Variants in ABI1 observed in about 807,000 individuals in gnomAD.
The protein encoded by ABI1 is abl interactor 1, also known as Abelson interactor 1.
Under a neutral mutation model 54.6 loss-of-function variants are expected in ABI1, and 14 were observed. The ratio of observed to expected loss-of-function variants is 0.26; its 90% CI spans 0.17 to 0.40. The LOEUF is 0.40. Among genes scored for constraint, ABI1 ranks in the 10% least tolerant of loss-of-function variants. The pLI is 1.00. For synonymous variants in ABI1, 194 were observed against 209.3 expected, an observed-to-expected ratio of 0.93 and a Z score of 0.63; for missense variants, 443 against 598.3, an observed-to-expected ratio of 0.74 and a Z score of 2.71.
intron 9 of ABI1, among the ~76,000 whole-genome samples, chr10:26,754,662 TGGA>T (rs1838064007): frequency 6.6e-6 from 1 of 152,172 alleles, no homozygotes; most frequent in African/African-American, 2.4e-5. Context: ...TATATTTTCT[TGGA>T]GGATAGGCTG....
At chr10:26,761,178 A>G (rs551157087) in intron 7 of ABI1, among the ~76,000 whole-genome samples, 235 of 152,056 alleles carry the variant, frequency 1.5e-3, no homozygotes, top group African/African-American at 5.1e-3. Context: ...GGCTCAAGCA[A>G]TCCTCCCACC....
intron 2 of ABI1, among the ~76,000 whole-genome samples, chr10:26,822,382 TA>T: frequency 6.7e-6 from 1 of 149,326 alleles, no homozygotes; most frequent in East Asian, 1.9e-4. Context: ...CCAAAAGAAA[TA>T]AAAGCATATG....
At chr10:26,807,258 G>A (rs1248404106) in intron 2 of ABI1, among the ~76,000 whole-genome samples, 1 of 152,166 alleles carries the variant, frequency 6.6e-6, no homozygotes, top group African/African-American at 2.4e-5. Context: ...TGGATCGCTT[G>A]AGCCCGGGAA....
chr10:26,836,437 C>T (rs967407498), intron 1 of ABI1, among the ~76,000 whole-genome samples: 1 of 152,072 alleles, frequency 6.6e-6, no homozygotes, highest in African/African-American at 2.4e-5. Context: ...TAGTGGAAAC[C>T]GACAACATGT....
intron 9 of ABI1, among the ~76,000 whole-genome samples, chr10:26,755,011 T>TATTCAGGAAC (rs1838126476): frequency 6.6e-6 from 1 of 152,216 alleles, no homozygotes; most frequent in Non-Finnish European, 1.5e-5. Flanking sequence ...CTGATTTTCA[T>TATTCAGGAAC]ATTCAGGAAC....
intron 2 of ABI1, among the ~76,000 whole-genome samples, chr10:26,788,634 C>T (rs999993811): frequency 6.6e-6 from 1 of 152,210 alleles, no homozygotes; most frequent in African/African-American, 2.4e-5. Flanking sequence ...AGTTTGAGGC[C>T]GGGTGCAGTG....
intron 10 of ABI1, among the ~76,000 whole-genome samples, chr10:26,749,834 C>T (rs138987220): frequency 6.8e-4 from 104 of 152,310 alleles, no homozygotes; most frequent in African/African-American, 2.3e-3. Flanking sequence ...TCTGCTTTTA[C>T]GCTACAATAG....
intron 2 of ABI1, among the ~76,000 whole-genome samples, chr10:26,815,528 T>C (rs2047507658): frequency 6.6e-6 from 1 of 152,200 alleles, no homozygotes; most frequent in African/African-American, 2.4e-5. Flanking sequence ...AAACAAAATA[T>C]AGGCAGTTGT....
In ABI1 at chr10:26,791,650, T is replaced by TA. The variant is rs1264774016; in HGVS notation, c.286-14410dup. Among the ~76,000 whole-genome samples the TA allele has an allele frequency of 2.6e-5, 4 of 152,290 alleles. No individual in the cohort carries two copies. The East Asian group carries it at 5.8e-4, about 22-fold the overall frequency. The stretch of plus-strand genomic sequence containing the variant: ...ATAGTAAAGAAGATAGTAGGGTTCT[T>TA]ACAGGGTTAAATAAATGGACCAATA... On this transcript the variant is annotated intron_variant, in intron 2 of 10. Transcript: ENST00000376140.
At chr10:26,762,254 T>C (rs1217373288) in intron 7 of ABI1, among the ~76,000 whole-genome samples, 2 of 152,126 alleles carry the variant, frequency 1.3e-5, no homozygotes, top group Non-Finnish European at 2.9e-5. Context: ...GCAATCCGCC[T>C]GCCTCAGCCT....
intron 8 of ABI1, 62 bp from the exon 9 acceptor site, chr10:26,755,803 C>CA (rs1381780439): frequency 1.6e-6 from 2 of 1,232,660 alleles, no homozygotes; most frequent in Admixed American, 4.2e-5. Context: ...AGGAAACAAA[C>CA]AAAAAGCAGA....
chr10:26,782,636 A>T (rs10829063), intron 2 of ABI1, among the ~76,000 whole-genome samples: 86,741 of 150,958 alleles, frequency 0.57, 27,052 homozygotes, highest in African/African-American at 0.83. Context: ...GGCAGGAGAA[A>T]CGCTTGAACC....
Position 26,779,684 on chromosome 10 carries a change from C to T in ABI1, c.286-2443G>A, listed in dbSNP as rs115223953. 1.4e-3 allele frequency among the ~76,000 whole-genome samples: 206 copies of T among 152,302 alleles called. 1 individual carries two copies. The highest frequency in any genetic ancestry group is 4.4e-3 in the African/African-American group (181 of 41,554). On this transcript the variant is annotated intron_variant, in intron 2 of 10. Coordinates refer to ENST00000376140, the MANE Select transcript of ABI1 (RefSeq NM_001012750.3). Reference sequence around the variant, plus strand: ...TGTAATGGTTGTTAAAGAAGAATGGCATTTTGCTGGCTATCTTAGTGCTCA... The same window carrying T: ...TGTAATGGTTGTTAAAGAAGAATGGTATTTTGCTGGCTATCTTAGTGCTCA...
At chr10:26,819,276 C>T (rs35531360) in intron 2 of ABI1, among the ~76,000 whole-genome samples, 35,126 of 151,990 alleles carry the variant, frequency 0.23, 4,608 homozygotes, top group African/African-American at 0.35. Flanking sequence ...AAAAGGAAAG[C>T]TGGAATGGTT....
intron 3 of ABI1, among the ~76,000 whole-genome samples, chr10:26,771,666 C>A (rs1454491707): frequency 1.3e-5 from 2 of 152,096 alleles, no homozygotes; most frequent in African/African-American, 2.4e-5. Context: ...GATAACTTAG[C>A]CAGATTCTAA....
At chr10:26,766,776 C>T (rs565477511) in intron 6 of ABI1, among the ~76,000 whole-genome samples, 8 of 152,024 alleles carry the variant, frequency 5.3e-5, no homozygotes, top group Non-Finnish European at 8.8e-5. Flanking sequence ...ATTTTTACTA[C>T]CTGTGAGTTA....
intron 1 of ABI1, among the ~76,000 whole-genome samples, chr10:26,836,664 GGCTAATA>G (rs1454590106): frequency 6.6e-6 from 1 of 152,080 alleles, no homozygotes; most frequent in Non-Finnish European, 1.5e-5. Context: ...CTAAGAATAA[GGCTAATA>G]GTACCTCCCT....
intron 2 of ABI1, among the ~76,000 whole-genome samples, chr10:26,803,086 G>A (rs867281799): frequency 6.6e-6 from 1 of 152,160 alleles, no homozygotes; most frequent in Non-Finnish European, 1.5e-5. Context: ...CAATTAAGAC[G>A]AAGCCTAAAC....
At chr10:26,857,068 C>T (rs2050876518) in intron 1 of ABI1, among the ~76,000 whole-genome samples, 1 of 152,034 alleles carries the variant, frequency 6.6e-6, no homozygotes, top group South Asian at 2.1e-4. Context: ...ACCTATAATC[C>T]CAACACTTTG....
Sources: gnomAD v4.1 joint callset for allele counts (sites outside exome capture counted in the v4.1 genomes callset) on GRCh38, gnomAD v4.1.1 for gene constraint, MANE v1.5 for transcripts, NCBI Gene and HGNC (gene_info 2026-07-23, HGNC 2026-07-21) for gene names.